SPTLC1: variants seen among roughly 807,000 people sequenced by gnomAD.
The protein encoded by SPTLC1 is serine palmitoyltransferase long chain base subunit 1.
SPTLC1 carries 55 observed loss-of-function variants against 68.9 expected under a neutral mutation model. The observed-to-expected ratio is 0.80, with a 90% CI of 0.64 to 1.00. SPTLC1 has a LOEUF of 1.00. Ranked by LOEUF, SPTLC1 falls within the 50% of genes least tolerant of loss-of-function variation. SPTLC1 has a pLI of 0.00. For synonymous variants in SPTLC1, 197 were observed against 201.6 expected, an observed-to-expected ratio of 0.98 and a Z score of 0.19; for missense variants, 449 against 573.1, an observed-to-expected ratio of 0.78 and a Z score of 2.21.
chr9:92,081,610 C>T (rs1359342870), intron 3 of SPTLC1, among the ~76,000 whole-genome samples: 1 of 152,096 alleles, frequency 6.6e-6, no homozygotes, highest in Non-Finnish European at 1.5e-5. Context: ...GATCTATATT[C>T]GAGCCATGAG....
chr9:92,045,413 G>A (rs1236616568), intron 12 of SPTLC1, among the ~76,000 whole-genome samples: 1 of 148,356 alleles, frequency 6.7e-6, no homozygotes, highest in Non-Finnish European at 1.5e-5. Flanking sequence ...AAGTTAGTGG[G>A]TGCAGCACAC....
chr9:92,075,081 T>G lies in SPTLC1; in HGVS notation c.427+4935A>C, dbSNP rs1340107102. Among the ~76,000 whole-genome samples, 3 of 152,126 alleles carry G rather than the reference T, an allele frequency of 2.0e-5. No homozygotes were observed. In the East Asian group the frequency reaches 5.8e-4, roughly 29 times the overall value. On this transcript the variant is annotated intron_variant, in intron 5 of 14. Transcript: ENST00000262554. ...CATCTCATTCAATATGTGGATGACC[T>G]TCTTCTTTGCAGCCCCTCTTACCAA...
At chr9:92,071,964 T>G (rs1834508831) in intron 5 of SPTLC1, among the ~76,000 whole-genome samples, 1 of 152,174 alleles carries the variant, frequency 6.6e-6, no homozygotes. Flanking sequence ...AGCCCCTAAC[T>G]GTAACTTTCC....
intron 12 of SPTLC1, among the ~76,000 whole-genome samples, chr9:92,043,258 T>C (rs768238172): frequency 5.3e-5 from 8 of 152,192 alleles, no homozygotes; most frequent in Admixed American, 6.5e-5. Context: ...TTTCCAGGAC[T>C]CTAGGCTCTT....
chr9:92,048,204 A>G (rs1833586023), intron 9 of SPTLC1, among the ~76,000 whole-genome samples: 1 of 152,212 alleles, frequency 6.6e-6, no homozygotes. Flanking sequence ...ATCTTTGACC[A>G]ACTGGACAGC....
chr9:92,065,505 T>C (rs1564095963), intron 6 of SPTLC1, among the ~76,000 whole-genome samples: 1 of 152,130 alleles, frequency 6.6e-6, no homozygotes, highest in East Asian at 1.9e-4. Flanking sequence ...GAATTTAGCC[T>C]ATGTTTCCTA....
chr9:92,114,165 G>A (rs965673957), intron 1 of SPTLC1, among the ~76,000 whole-genome samples: 2 of 152,054 alleles, frequency 1.3e-5, no homozygotes, highest in Admixed American at 6.6e-5. Context: ...AGCTACTCGG[G>A]AGTCTGAGGT....
At chr9:92,042,687 A>G (rs1187633470) in intron 12 of SPTLC1, among the ~76,000 whole-genome samples, 1 of 152,228 alleles carries the variant, frequency 6.6e-6, no homozygotes, top group Non-Finnish European at 1.5e-5. Context: ...AGTTCCAATT[A>G]AGATTCTAGC....
chr9:92,040,011 C>G (rs1833284984), intron 12 of SPTLC1, among the ~76,000 whole-genome samples: 1 of 152,092 alleles, frequency 6.6e-6, no homozygotes, highest in Non-Finnish European at 1.5e-5. Flanking sequence ...TAAATTCTGA[C>G]CATGTTAAAC....
chr9:92,046,716 T>C (rs1274787419), intron 11 of SPTLC1, among the ~76,000 whole-genome samples: 2 of 152,230 alleles, frequency 1.3e-5, no homozygotes, highest in African/African-American at 4.8e-5. Context: ...GTAAGTTCTT[T>C]GCTGGTAAAC....
intron 3 of SPTLC1, among the ~76,000 whole-genome samples, chr9:92,098,583 A>G (rs538131782): frequency 6.6e-6 from 1 of 152,336 alleles, no homozygotes; most frequent in South Asian, 2.1e-4. Flanking sequence ...TTGAAAAAAA[A>G]GAAGGGATGT....
intron 3 of SPTLC1, among the ~76,000 whole-genome samples, chr9:92,088,379 G>A (rs1009181523): frequency 5.3e-5 from 8 of 152,190 alleles, no homozygotes; most frequent in African/African-American, 1.9e-4. Context: ...GTTCCTATTC[G>A]GCTATCTTGG....
intron 11 of SPTLC1, 150 bp from the exon 12 acceptor site, chr9:92,046,203 G>A: frequency 2.8e-6 from 2 of 718,832 alleles, no homozygotes; most frequent in Non-Finnish European, 4.8e-6. Flanking sequence ...ATACTCCCCT[G>A]AAGGCCCAAG....
At chr9:92,099,445 G>A (rs1835663432) in intron 3 of SPTLC1, among the ~76,000 whole-genome samples, 1 of 151,440 alleles carries the variant, frequency 6.6e-6, no homozygotes, top group Non-Finnish European at 1.5e-5. Flanking sequence ...TACAACAGTG[G>A]TCCTATAAGA....
At chr9:92,079,145 G>A (rs1021909791) in intron 5 of SPTLC1, 25 of 441,316 alleles carry the variant, frequency 5.7e-5, no homozygotes, top group South Asian at 3.6e-4. Context: ...GCATGATCTC[G>A]GCTCACTGCA....
chr9:92,114,599 G>A (rs1381068142), intron 1 of SPTLC1, among the ~76,000 whole-genome samples: 3 of 152,156 alleles, frequency 2.0e-5, no homozygotes, highest in African/African-American at 7.2e-5. Flanking sequence ...GCCGGGCATG[G>A]TGGCACATGC....
intron 9 of SPTLC1, among the ~76,000 whole-genome samples, chr9:92,049,513 G>A (rs997188710): frequency 3.3e-5 from 5 of 151,964 alleles, no homozygotes; most frequent in Non-Finnish European, 5.9e-5. Flanking sequence ...ACACACGCAC[G>A]CACGCGTAAC....
rs757211767 is a variant in SPTLC1 at position 92,059,254 on chromosome 9, G to A, written c.615C>T (p.Asp205=). 2 of 1,614,012 alleles carry A rather than the reference G, an allele frequency of 1.2e-6. No individual in the cohort carries two copies. Among genetic ancestry groups the A allele is most frequent in the Non-Finnish European group, 1.7e-6 (2 of 1,179,968 alleles). ...IQKGLQASRS[D]IKLFKHNDMA... ...TGTCATTATGCTTAAATAACTTAATGTCACTACGGGATGCCTGTAATCCTT... is the reference window on the plus strand; with the variant it reads ...TGTCATTATGCTTAAATAACTTAATATCACTACGGGATGCCTGTAATCCTT... The change falls in exon 7 of 15, where the codon GAC becomes GAT. Residue 205 remains aspartate, a synonymous_variant. Coordinates refer to ENST00000262554, the MANE Select transcript of SPTLC1 (RefSeq NM_006415.4).
At chr9:92,086,178 G>A (rs1336880946) in intron 3 of SPTLC1, among the ~76,000 whole-genome samples, 1 of 151,894 alleles carries the variant, frequency 6.6e-6, no homozygotes, top group Non-Finnish European at 1.5e-5. Flanking sequence ...CACACTGATG[G>A]GTCTTGACTC....
Sources: gnomAD v4.1 joint callset for allele counts (sites outside exome capture counted in the v4.1 genomes callset) on GRCh38, gnomAD v4.1.1 for gene constraint, MANE v1.5 for transcripts, NCBI Gene and HGNC (gene_info 2026-07-23, HGNC 2026-07-21) for gene names.